The following TASP1 variants were observed in gnomAD, a reference collection of about 807,000 sequenced individuals.
TASP1 encodes the protein threonine aspartase 1.
In TASP1, 16 loss-of-function variants were observed where a neutral mutation model predicts 56.6. The ratio of observed to expected loss-of-function variants is 0.28; its 90% CI spans 0.19 to 0.43. The LOEUF (loss-of-function observed/expected upper bound fraction) is 0.43. Ranked by LOEUF, TASP1 falls within the 20% of genes least tolerant of loss-of-function variation. TASP1 has a pLI of 1.00. For synonymous variants in TASP1, 179 were observed against 184.2 expected (o/e 0.97, Z 0.23); for missense variants, 393 against 511.6 (o/e 0.77, Z 2.24).
chr20:13,418,458 T>C (rs2042334106), intron 12 of TASP1, among the ~76,000 whole-genome samples: 1 of 152,130 alleles, frequency 6.6e-6, no homozygotes, highest in African/African-American at 2.4e-5. Context: ...TTATAACCAC[T>C]GAACAAAGTC....
At chr20:13,136,252 T>C in the TASP1 span, among the ~76,000 whole-genome samples, 3 of 152,150 alleles carry the variant, frequency 2.0e-5, no homozygotes, top group Non-Finnish European at 4.4e-5. Context: ...TAAGATGGAA[T>C]AATGACTTGT....
Position 13,588,307 on chromosome 20 carries a change from A to AAGGG in TASP1, c.283-938_283-937insCCCT, listed in dbSNP as rs1218049851. The stretch of plus-strand genomic sequence containing the variant: ...GAAGGAAGGAAGGAAGGAAGGAAGG[A>AAGGG]AGAGAAAGAAAAGGAAGGAAGGAAG... On this transcript the variant is annotated intron_variant, in intron 4 of 13. Coordinates refer to ENST00000337743, the MANE Select transcript of TASP1 (RefSeq NM_017714.3). Among the ~76,000 whole-genome samples, 536 of 111,244 alleles carry AAGGG rather than the reference A, an allele frequency of 4.8e-3. 4 individuals are homozygous for AAGGG. The highest frequency in any genetic ancestry group is 0.016 in the African/African-American group (505 of 31,520). 73.0% of individuals were successfully genotyped at this position (111,244 alleles called of 152,430 possible). A position where few individuals can be genotyped will look rare whatever the true frequency, so the allele number is the denominator to read the frequency against.
chr20:13,302,768 T>C, the TASP1 span, among the ~76,000 whole-genome samples: 298 of 152,310 alleles, frequency 2.0e-3, no homozygotes, highest in Non-Finnish European at 3.6e-3. Context: ...TCAGTGGGCA[T>C]CCTGGGTGCC....
chr20:13,192,813 CA>C, the TASP1 span, among the ~76,000 whole-genome samples: 2 of 151,970 alleles, frequency 1.3e-5, no homozygotes, highest in Non-Finnish European at 2.9e-5. Context: ...CTCAGCCTCC[CA>C]AACTGCTAGA....
chr20:13,230,765 A>AG, the TASP1 span, among the ~76,000 whole-genome samples: 1 of 151,972 alleles, frequency 6.6e-6, no homozygotes, highest in Non-Finnish European at 1.5e-5. Flanking sequence ...AGAAAAGAAA[A>AG]GAAAAAAAAA....
Position 13,504,079 on chromosome 20 carries a change from T to C in TASP1, c.875-20742A>G, listed in dbSNP as rs559712780. The stretch of plus-strand genomic sequence containing the variant: ...AACTACTCAAATCTGGGGAGAGATA[T>C]AGGCATCCAAATACAAGAAGCTCAA... On this transcript the variant is annotated intron_variant, in intron 10 of 13. Transcript: ENST00000337743. Among the ~76,000 whole-genome samples, 15 of 152,192 alleles carry C rather than the reference T, an allele frequency of 9.9e-5. No homozygotes were observed. In the South Asian group the frequency reaches 1.7e-3, roughly 17 times the overall value.
intron 9 of TASP1, 146 bp from the exon 10 acceptor site, chr20:13,528,657 T>C (rs2045088483): frequency 3.6e-6 from 2 of 549,162 alleles, no homozygotes; most frequent in African/African-American, 1.9e-5. Flanking sequence ...GTATAAGACA[T>C]ACGCACACGA....
chr20:13,638,414 T>TTTTCCTCCTCCTCCTCCC (rs2049390449), intron 1 of TASP1, among the ~76,000 whole-genome samples: 1 of 151,706 alleles, frequency 6.6e-6, no homozygotes, highest in Admixed American at 6.6e-5. Flanking sequence ...CTCCTCCTCT[T>TTTTCCTCCTCCTCCTCCC]CTTCCTCCTC....
At chr20:13,565,813 G>C (rs2046508122) in intron 7 of TASP1, among the ~76,000 whole-genome samples, 1 of 152,028 alleles carries the variant, frequency 6.6e-6, no homozygotes, top group Admixed American at 6.6e-5. Context: ...AATAAAAATA[G>C]AATAACCATG....
At chr20:13,247,291 GTTC>G in the TASP1 span, among the ~76,000 whole-genome samples, 4 of 152,026 alleles carry the variant, frequency 2.6e-5, no homozygotes, top group Non-Finnish European at 5.9e-5. Flanking sequence ...GCAATTTCTT[GTTC>G]TTCTGTGAAG....
intron 10 of TASP1, among the ~76,000 whole-genome samples, chr20:13,515,831 T>C (rs564574226): frequency 2.6e-5 from 4 of 152,198 alleles, no homozygotes; most frequent in African/African-American, 9.6e-5. Context: ...TGGACAACTT[T>C]CATAGCAACA....
At position 13,419,253 on chromosome 20, in the gene TASP1, T is replaced by C. The variant is rs115746046; in HGVS notation, c.1097-1732A>G. Among the ~76,000 whole-genome samples, 379 of 152,222 alleles carry C rather than the reference T, an allele frequency of 2.5e-3. 2 individuals are homozygous for C. Among genetic ancestry groups the C allele is most frequent in the African/African-American group, 8.4e-3 (349 of 41,528 alleles). Reference sequence around the variant, plus strand: ...TAGTTCAGGGAAAAAAATGCACTTATTTGTTTGTGTGTATGTGTGTGTGCA... The same window carrying C: ...TAGTTCAGGGAAAAAAATGCACTTACTTGTTTGTGTGTATGTGTGTGTGCA... On this transcript the variant is annotated intron_variant, in intron 12 of 13. Coordinates refer to ENST00000337743, the MANE Select transcript of TASP1 (RefSeq NM_017714.3).
At chr20:13,365,556 C>T in the TASP1 span, among the ~76,000 whole-genome samples, 1 of 152,168 alleles carries the variant, frequency 6.6e-6, no homozygotes, top group Non-Finnish European at 1.5e-5. Context: ...AAAAGGAGAG[C>T]ATCAGGACAG....
At chr20:13,290,653 G>A in the TASP1 span, among the ~76,000 whole-genome samples, 4 of 151,848 alleles carry the variant, frequency 2.6e-5, no homozygotes, top group South Asian at 2.1e-4. Flanking sequence ...GCAAGACTCC[G>A]TCTCAAAACA....
chr20:13,147,113 G>A, the TASP1 span, among the ~76,000 whole-genome samples: 1 of 152,280 alleles, frequency 6.6e-6, no homozygotes, highest in East Asian at 1.9e-4. Context: ...GCCGACGGCT[G>A]CCCACCCCTG....
At chr20:13,397,700 G>A (rs1359293197) in intron 13 of TASP1, among the ~76,000 whole-genome samples, 2 of 152,150 alleles carry the variant, frequency 1.3e-5, no homozygotes, top group Admixed American at 1.3e-4. Flanking sequence ...CAGAGAAATC[G>A]GTTTGAGCCT....
the TASP1 span, among the ~76,000 whole-genome samples, chr20:13,256,395 CAAA>C: frequency 0.22 from 15,922 of 71,238 alleles, 737 homozygotes; most frequent in East Asian, 0.43. Flanking sequence ...GACCCCGTCT[CAAA>C]AAAAAAAAAA....
intron 12 of TASP1, among the ~76,000 whole-genome samples, chr20:13,431,001 G>GT (rs768316586): frequency 1.3e-5 from 2 of 152,158 alleles, no homozygotes; most frequent in Non-Finnish European, 2.9e-5. Context: ...CTTGTGTGGT[G>GT]TAATGAGAAC....
Position 13,417,461 on chromosome 20 carries a change from T to C in TASP1, c.1157A>G (p.Asp386Gly), listed in dbSNP as rs1397426460. 2 of 1,614,136 alleles carry C rather than the reference T, an allele frequency of 1.2e-6. No individual in the cohort carries two copies. The highest frequency in any genetic ancestry group is 1.7e-6 in the Non-Finnish European group (2 of 1,179,990). Residue 386 changes from aspartate to glycine, a missense_variant, in exon 13 of 14, where the codon GAT becomes GGT. Asp to Gly is a moderately conservative substitution (Grantham distance 94). This residue lies in a region of TASP1 where 293 missense variants were observed against 354.2 expected (regional missense o/e 0.83). Coordinates refer to ENST00000337743, the MANE Select transcript of TASP1 (RefSeq NM_017714.3). ...TTTCCCACTTACCTTGGCTTTCCCA[T>C]CCTGGGCTGACATATATCCGACACA... ...SMCVGYMSAQ[D>G]GKAKTHISRL...
Sources: gnomAD v4.1 joint callset for allele counts (sites outside exome capture counted in the v4.1 genomes callset) on GRCh38, gnomAD v4.1.1 for gene constraint, gnomAD v4.1.1 regional missense constraint, MANE v1.5 for transcripts, NCBI Gene and HGNC (gene_info 2026-07-23, HGNC 2026-07-21) for gene names.